WDR17: variants seen among roughly 807,000 people sequenced by gnomAD.
The protein encoded by WDR17 is WD repeat domain 17.
In WDR17, 143 loss-of-function variants were observed where a neutral mutation model predicts 161.7. The observed-to-expected ratio is 0.88, with a 90% CI of 0.77 to 1.02. The LOEUF (loss-of-function observed/expected upper bound fraction) is 1.02, where lower values mean the gene tolerates loss of function less well. Among genes scored for constraint, WDR17 ranks in the 50% least tolerant of loss-of-function variants. The pLI, the probability that WDR17 is intolerant of heterozygous loss-of-function variation, is 0.00. For synonymous variants in WDR17, 517 were observed against 515.6 expected (o/e 1.00, Z -0.04); for missense variants, 1,469 against 1,520.9 (o/e 0.97, Z 0.57).
chr4:176,119,821 T>C, intron 3 of WDR17, 46 bp from the exon 4 acceptor site: 1 of 1,519,972 alleles, frequency 6.6e-7, no homozygotes, highest in South Asian at 1.1e-5. Context: ...AATGGTGTAA[T>C]CTTATGCTGT....
chr4:176,080,242 A>C (rs140379247), intron 1 of WDR17, among the ~76,000 whole-genome samples: 2 of 152,008 alleles, frequency 1.3e-5, no homozygotes, highest in Non-Finnish European at 2.9e-5. Context: ...TTTAAAATCC[A>C]TGTGGGGATG....
chr4:176,098,360 T>A (rs887739856), intron 1 of WDR17: 2 of 152,058 alleles, frequency 1.3e-5, no homozygotes, highest in Admixed American at 1.3e-4. Context: ...AATGAAACAT[T>A]CTAAAGTAAG....
At chr4:176,177,940 G>T (rs1477854403) in intron 28 of WDR17, among the ~76,000 whole-genome samples, 1 of 122,264 alleles carries the variant, frequency 8.2e-6, no homozygotes, top group African/African-American at 3.2e-5. Context: ...AGCCGAGATC[G>T]AGCCATTGCA....
chr4:176,123,700 G>A (rs566785938), intron 4 of WDR17, among the ~76,000 whole-genome samples: 8 of 152,328 alleles, frequency 5.3e-5, no homozygotes, highest in African/African-American at 1.9e-4. Context: ...AGGAGCCTCC[G>A]TGTGCTCAGC....
chr4:176,081,334 T>C (rs1443897204), intron 1 of WDR17, among the ~76,000 whole-genome samples: 2 of 152,136 alleles, frequency 1.3e-5, no homozygotes, highest in Non-Finnish European at 2.9e-5. Context: ...TGTCTGTTCA[T>C]TCTCATGTTC....
intron 5 of WDR17, among the ~76,000 whole-genome samples, chr4:176,126,909 G>T (rs116718127): frequency 0.02 from 2,976 of 152,224 alleles, 56 homozygotes; most frequent in Admixed American, 0.047. Flanking sequence ...TGTGAAGAAG[G>T]TGCCTGCTTC....
intron 4 of WDR17, among the ~76,000 whole-genome samples, chr4:176,120,911 T>C (rs973340551): frequency 2.5e-4 from 38 of 152,130 alleles, no homozygotes; most frequent in African/African-American, 8.7e-4. Flanking sequence ...TTTAAATAAA[T>C]CTTTCTTCAG....
chr4:176,143,568 C>T (rs2126794953), intron 11 of WDR17, among the ~76,000 whole-genome samples: 1 of 152,018 alleles, frequency 6.6e-6, no homozygotes. Context: ...AGTCACAGCT[C>T]CTCGGGAGGC....
rs1744618301 is a variant in WDR17, at chr4:176,137,580, A to G, written c.1328A>G (p.Gln443Arg). Residue 443 changes from glutamine to arginine, a missense_variant, in exon 9 of 29, where the codon CAA (glutamine) becomes CGA (arginine). Transcript: ENST00000508596. Reference sequence around the variant, plus strand: ...AATGGTGCTTTTATTTGGAATGTTCAAAAGGGCAAAATTATACAACGATTT... The same window carrying G: ...AATGGTGCTTTTATTTGGAATGTTCGAAAGGGCAAAATTATACAACGATTT... ...SRNGAFIWNV[Q>R]KGKIIQRFNE... 5.0e-6 allele frequency: 8 copies of G among 1,597,874 alleles called. No homozygotes were observed. Among genetic ancestry groups the G allele is most frequent in the Non-Finnish European group, 6.0e-6 (7 of 1,169,972 alleles).
At chr4:176,084,035 G>GT (rs368032770) in intron 1 of WDR17, among the ~76,000 whole-genome samples, 1,913 of 148,936 alleles carry the variant, frequency 0.013, 31 homozygotes, top group African/African-American at 0.038. Flanking sequence ...TTTTGTTTTT[G>GT]TTTTTTTTTG....
chr4:176,129,789 T>C (rs1743064038), intron 6 of WDR17, among the ~76,000 whole-genome samples: 1 of 151,716 alleles, frequency 6.6e-6, no homozygotes, highest in Non-Finnish European at 1.5e-5. Context: ...CTAATAAATG[T>C]AGAACCTGGA....
At chr4:176,087,703 C>T (rs1735593474) in intron 1 of WDR17, among the ~76,000 whole-genome samples, 1 of 152,022 alleles carries the variant, frequency 6.6e-6, no homozygotes, top group South Asian at 2.1e-4. Context: ...TGATTTTGGC[C>T]TATACCATTT....
chr4:176,068,931 G>A (rs895876154), intron 1 of WDR17, among the ~76,000 whole-genome samples: 7 of 152,154 alleles, frequency 4.6e-5, no homozygotes, highest in African/African-American at 1.7e-4. Context: ...AAATGTTCAC[G>A]AAGGACTTGC....
Position 176,177,080 on chromosome 4 carries a change from G to T in WDR17, c.3472G>T (p.Val1158Leu), listed in dbSNP as rs575827938. The T allele has an allele frequency of 6.9e-5, 111 of 1,613,826 alleles. No homozygotes were observed. The African/African-American group carries it at 1.1e-3, about 16-fold the overall frequency. Residue 1158 changes from valine to leucine, a missense_variant, in exon 27 of 29, where the codon GTG becomes TTG. Transcript: ENST00000508596. The stretch of plus-strand genomic sequence containing the variant: ...CAGTCAGCTATTAAAACGTCGGGAG[G>T]TGTCAGTACCTTTAAAAATTGAATA... The part of the protein sequence containing the change: ...YTSQLLKRRE[V>L]SVPLKIEYLS...
At chr4:176,147,134 G>A (rs1746314110) in intron 12 of WDR17, among the ~76,000 whole-genome samples, 1 of 152,038 alleles carries the variant, frequency 6.6e-6, no homozygotes, top group African/African-American at 2.4e-5. Context: ...CAAAGTGCTG[G>A]GATTACAGAC....
At chr4:176,071,223 ATTTAC>A (rs1252497103) in intron 1 of WDR17, among the ~76,000 whole-genome samples, 2 of 151,680 alleles carry the variant, frequency 1.3e-5, no homozygotes, top group Non-Finnish European at 1.5e-5. Flanking sequence ...TATGACAAAT[ATTTAC>A]TTATTTCCTT....
chr4:176,163,074 C>G lies in WDR17; in HGVS notation c.2851-80C>G, dbSNP rs559570756. ...GATTTATAGGTTAATACTGCTTTAT[C>G]TGCTTTATGAGCTTGGAGGGGAATG... is the stretch of plus-strand genomic sequence containing the variant. On this transcript the variant is annotated intron_variant, in intron 21 of 28. Transcript: ENST00000508596. 2,119 of 1,538,162 alleles carry G rather than the reference C, an allele frequency of 1.4e-3. 3 individuals carry two copies. Among genetic ancestry groups the G allele is most frequent in the Non-Finnish European group, 1.7e-3 (1,926 of 1,112,578 alleles).
Position 176,082,761 on chromosome 4 carries a change from C to T in WDR17, c.-7+16682C>T, listed in dbSNP as rs72706338. 4.2e-3 allele frequency among the ~76,000 whole-genome samples: 635 copies of T among 152,126 alleles called. 1 individual carries two copies. Among genetic ancestry groups the T allele is most frequent in the Middle Eastern group, 6.8e-3 (2 of 294 alleles). The stretch of plus-strand genomic sequence containing the variant: ...CTTTCCATTTTAAAAATTATTTTCT[C>T]CAATGTTAGATTCATCTGCATTTTA... On this transcript the variant is annotated intron_variant, in intron 1 of 28. Transcript: ENST00000508596.
chr4:176,163,325 A>G, intron 22 of WDR17, 32 bp downstream of exon 22: 1 of 1,578,946 alleles, frequency 6.3e-7, no homozygotes. Flanking sequence ...GAATAATTTC[A>G]TAGTGATGGA....
Sources: allele counts gnomAD v4.1 joint callset (sites outside exome capture counted in the v4.1 genomes callset), GRCh38; gene constraint gnomAD v4.1.1; transcripts MANE v1.5; gene names NCBI Gene and HGNC (gene_info 2026-07-23, HGNC 2026-07-21).